PRKCE: variants seen among roughly 807,000 people sequenced by gnomAD.
The protein encoded by PRKCE is protein kinase C epsilon, also known as protein kinase C epsilon type.
A neutral mutation model predicts 85.4 loss-of-function variants in PRKCE; 16 were observed. The observed-to-expected ratio is 0.19, with a 90% CI of 0.13 to 0.28. The LOEUF is 0.28. PRKCE is among the 10% of genes least tolerant of loss of function. The pLI is 1.00. For missense variants in PRKCE, 573 were observed against 975.2 expected (o/e 0.59, Z 5.49); for synonymous variants, 388 against 371.5 (o/e 1.04, Z -0.51).
chr2:45,982,189 T>C (rs1385396476), intron 5 of PRKCE, among the ~76,000 whole-genome samples: 3 of 151,908 alleles, frequency 2.0e-5, no homozygotes, highest in Non-Finnish European at 4.4e-5. Context: ...TCTCCCTTAG[T>C]GTCAGTGTAT....
chr2:46,057,173 G>A (rs1666664147), intron 10 of PRKCE, among the ~76,000 whole-genome samples: 1 of 152,190 alleles, frequency 6.6e-6, no homozygotes, highest in Non-Finnish European at 1.5e-5. Flanking sequence ...GTTCAGGAGA[G>A]AATATTCCAG....
chr2:45,828,270 T>C (rs1336368938), intron 1 of PRKCE, among the ~76,000 whole-genome samples: 1 of 152,226 alleles, frequency 6.6e-6, no homozygotes, highest in Non-Finnish European at 1.5e-5. Context: ...TGTTGAAAAC[T>C]CTATTGATAA....
chr2:45,702,840 A>C (rs1678763394), intron 1 of PRKCE, among the ~76,000 whole-genome samples: 1 of 152,166 alleles, frequency 6.6e-6, no homozygotes, highest in African/African-American at 2.4e-5. Flanking sequence ...GAGCCATTTG[A>C]ACACCTTACT....
chr2:45,916,382 G>A (rs1381577451), intron 2 of PRKCE, among the ~76,000 whole-genome samples: 1 of 151,626 alleles, frequency 6.6e-6, no homozygotes, highest in African/African-American at 2.4e-5. Flanking sequence ...TGGGACTAGA[G>A]GTGTGCACCA....
intron 10 of PRKCE, among the ~76,000 whole-genome samples, chr2:46,072,556 G>T (rs1477332719): frequency 6.6e-6 from 1 of 152,222 alleles, no homozygotes; most frequent in Non-Finnish European, 1.5e-5. Context: ...TCTAAACACG[G>T]TCGGGACCTT....
intron 13 of PRKCE, among the ~76,000 whole-genome samples, chr2:46,153,268 C>T (rs1558508302): frequency 6.6e-6 from 1 of 152,262 alleles, no homozygotes; most frequent in South Asian, 2.1e-4. Flanking sequence ...TTCATTCATG[C>T]ATTCATTTAT....
intron 1 of PRKCE, among the ~76,000 whole-genome samples, chr2:45,781,955 T>C (rs1686225322): frequency 6.6e-6 from 1 of 152,192 alleles, no homozygotes; most frequent in African/African-American, 2.4e-5. Flanking sequence ...CCTAGACAGG[T>C]TACATCCTTT....
At chr2:45,661,643 C>T (rs1257815545) in intron 1 of PRKCE, among the ~76,000 whole-genome samples, 1 of 150,574 alleles carries the variant, frequency 6.6e-6, no homozygotes, top group Non-Finnish European at 1.5e-5. Context: ...ATTCTTCTGC[C>T]TCAGCCTCCC....
intron 1 of PRKCE, among the ~76,000 whole-genome samples, chr2:45,721,148 C>T (rs974345817): frequency 2.0e-5 from 3 of 151,966 alleles, no homozygotes; most frequent in South Asian, 2.1e-4. Flanking sequence ...TAGGTGCTGT[C>T]GGAAGAGCAG....
At chr2:46,013,929 T>C (rs1017781116) in intron 10 of PRKCE, among the ~76,000 whole-genome samples, 1 of 152,168 alleles carries the variant, frequency 6.6e-6, no homozygotes, top group Non-Finnish European at 1.5e-5. Context: ...CGGTGACCAA[T>C]GGCAATGGTC....
chr2:45,742,835 C>T (rs910285810), intron 1 of PRKCE, among the ~76,000 whole-genome samples: 1 of 152,194 alleles, frequency 6.6e-6, no homozygotes, highest in African/African-American at 2.4e-5. Flanking sequence ...GAAATCTGCA[C>T]TTTCGTGTTC....
intron 1 of PRKCE, among the ~76,000 whole-genome samples, chr2:45,792,719 G>T (rs926637553): frequency 1.3e-4 from 20 of 152,228 alleles, no homozygotes; most frequent in African/African-American, 4.8e-4. Flanking sequence ...AGGACTGGTT[G>T]TAGGATTAAA....
intron 10 of PRKCE, among the ~76,000 whole-genome samples, chr2:46,064,795 G>A (rs149313781): frequency 9.5e-4 from 145 of 152,308 alleles, no homozygotes; most frequent in African/African-American, 3.2e-3. Context: ...CTTTCTGGGG[G>A]ATTCTTAGTC....
intron 2 of PRKCE, among the ~76,000 whole-genome samples, chr2:45,903,955 G>A (rs1696781750): frequency 6.7e-6 from 1 of 150,134 alleles, no homozygotes; most frequent in Admixed American, 6.7e-5. Flanking sequence ...CCAGGCTGGA[G>A]TGCAGTGGCA....
At chr2:46,092,565 G>A (rs996978169) in intron 11 of PRKCE, among the ~76,000 whole-genome samples, 10 of 152,200 alleles carry the variant, frequency 6.6e-5, no homozygotes, top group Admixed American at 2.0e-4. Flanking sequence ...AGAATCAAGA[G>A]CAAGGAACAA....
At chr2:46,008,491 T>C (rs1281954051) in intron 9 of PRKCE, among the ~76,000 whole-genome samples, 1 of 152,164 alleles carries the variant, frequency 6.6e-6, no homozygotes, top group Non-Finnish European at 1.5e-5. Flanking sequence ...GAGTCACCTT[T>C]CTGGGACCCC....
chr2:46,058,691 AT>A (rs1666835899), intron 10 of PRKCE, among the ~76,000 whole-genome samples: 1 of 151,940 alleles, frequency 6.6e-6, no homozygotes, highest in Non-Finnish European at 1.5e-5. Flanking sequence ...CTCACATTGA[AT>A]TGATTGATTG....
At chr2:45,805,422 A>G (rs899196521) in intron 1 of PRKCE, among the ~76,000 whole-genome samples, 5 of 152,114 alleles carry the variant, frequency 3.3e-5, no homozygotes, top group African/African-American at 1.2e-4. Flanking sequence ...GCCCACACAC[A>G]AAGGATGCTG....
intron 1 of PRKCE, among the ~76,000 whole-genome samples, chr2:45,710,562 C>A (rs1341846981): frequency 1.3e-5 from 2 of 152,344 alleles, no homozygotes; most frequent in South Asian, 4.1e-4. Flanking sequence ...TGAAGCCTGT[C>A]CATAGATTAA....
Sources: allele counts gnomAD v4.1 joint callset (sites outside exome capture counted in the v4.1 genomes callset), GRCh38; gene constraint gnomAD v4.1.1; transcripts MANE v1.5; gene names NCBI Gene and HGNC (gene_info 2026-07-23, HGNC 2026-07-21).